The following FGF14 variants were observed in gnomAD, a reference collection of about 807,000 sequenced individuals.
FGF14 encodes fibroblast growth factor 14, also known as fibroblast growth factor homologous factor 4.
FGF14 carries 5 observed loss-of-function variants against 25.5 expected under a neutral mutation model. The ratio of observed to expected loss-of-function variants is 0.20; its 90% CI spans 0.10 to 0.41. FGF14 has a LOEUF of 0.41. Ranked by LOEUF, FGF14 falls within the 10% of genes least tolerant of loss-of-function variation. The pLI is 1.00. For missense variants in FGF14, 222 were observed against 320.1 expected, an observed-to-expected ratio of 0.69 and a Z score of 2.34; for synonymous variants, 138 against 118.3, an observed-to-expected ratio of 1.17 and a Z score of -1.08.
At chr13:101,750,232 G>A (rs2037182777) in intron 3 of FGF14, among the ~76,000 whole-genome samples, 1 of 152,076 alleles carries the variant, frequency 6.6e-6, no homozygotes, top group South Asian at 2.1e-4. Context: ...GCACAAATAA[G>A]ATACAGCAAT....
At chr13:101,941,732 G>A (rs887477659) in intron 1 of FGF14, among the ~76,000 whole-genome samples, 7 of 152,168 alleles carry the variant, frequency 4.6e-5, no homozygotes, top group Non-Finnish European at 1.0e-4. Flanking sequence ...AAATTGAAAT[G>A]TCCTTAAGTA....
At chr13:102,208,339 G>A (rs1050361571) in intron 1 of FGF14, among the ~76,000 whole-genome samples, 1 of 152,192 alleles carries the variant, frequency 6.6e-6, no homozygotes, top group African/African-American at 2.4e-5. Flanking sequence ...TGTTGGTTGT[G>A]TTGCTATTTT....
chr13:102,399,926 A>C (rs2139288215), intron 1 of FGF14, among the ~76,000 whole-genome samples: 1 of 152,244 alleles, frequency 6.6e-6, no homozygotes, highest in South Asian at 2.1e-4. Context: ...AGCTGGGGGC[A>C]ATCTTCTCCG....
intron 1 of FGF14, among the ~76,000 whole-genome samples, chr13:102,079,179 C>T (rs1040787026): frequency 2.0e-5 from 3 of 152,126 alleles, no homozygotes; most frequent in Admixed American, 6.5e-5. Flanking sequence ...CAGAGACACA[C>T]AGGATCTCTG....
intron 1 of FGF14, among the ~76,000 whole-genome samples, chr13:102,220,834 C>T (rs2050579453): frequency 6.6e-6 from 1 of 152,196 alleles, no homozygotes; most frequent in African/African-American, 2.4e-5. Context: ...CTGGCTCTTA[C>T]TCATGCTCAT....
intron 1 of FGF14, among the ~76,000 whole-genome samples, chr13:102,304,034 T>G (rs1052793092): frequency 1.3e-5 from 2 of 152,192 alleles, no homozygotes; most frequent in Non-Finnish European, 2.9e-5. Context: ...GGTTGGTGTT[T>G]ATTGATGCAA....
intron 1 of FGF14, among the ~76,000 whole-genome samples, chr13:102,151,827 T>A (rs1049603330): frequency 2.0e-5 from 3 of 152,186 alleles, no homozygotes; most frequent in Non-Finnish European, 4.4e-5. Flanking sequence ...AAACAGTCCA[T>A]GTAAAATAAT....
rs113513952 is a variant in FGF14 at position 102,336,958 on chromosome 13, T to C, written c.208+64513A>G. 4.7e-3 allele frequency among the ~76,000 whole-genome samples: 710 copies of C among 152,310 alleles called. 4 individuals carry two copies. The highest frequency in any genetic ancestry group is 0.016 in the African/African-American group (668 of 41,568). On this transcript the variant is annotated intron_variant, in intron 1 of 4. Transcript: ENST00000376131. ...CTTCCTTTCAAAATACTACTGCTCA[T>C]TGACAATGCACCTAGTCACTCAAAA...
chr13:101,782,802 G>C (rs1351564378), intron 3 of FGF14, among the ~76,000 whole-genome samples: 3 of 152,110 alleles, frequency 2.0e-5, no homozygotes, highest in Admixed American at 6.6e-5. Context: ...TGGGCATTTA[G>C]GTTGATTCCA....
intron 1 of FGF14, among the ~76,000 whole-genome samples, chr13:101,981,086 C>A (rs1173117471): frequency 1.9e-5 from 2 of 103,806 alleles, no homozygotes; most frequent in African/African-American, 9.2e-5. Flanking sequence ...TACTAAAACA[C>A]ACACACACAC....
At chr13:102,025,065 C>T (rs1354032624) in intron 1 of FGF14, among the ~76,000 whole-genome samples, 1 of 151,050 alleles carries the variant, frequency 6.6e-6, no homozygotes, top group Non-Finnish European at 1.5e-5. Flanking sequence ...TACTCTTATG[C>T]CATGTATACT....
At chr13:102,269,587 A>G (rs2053149462) in intron 1 of FGF14, among the ~76,000 whole-genome samples, 1 of 152,044 alleles carries the variant, frequency 6.6e-6, no homozygotes, top group Non-Finnish European at 1.5e-5. Flanking sequence ...TGGAGTCTCA[A>G]TATGTTGCTC....
In FGF14 at chr13:101,722,680, T is replaced by C; in HGVS notation, c.*151A>G. The stretch of plus-strand genomic sequence containing the variant: ...GGGGGGTGCAACAGGTTGAGATTTA[T>C]CCACTTGCAACAGAGAAGTTCGGAG... On this transcript the variant is annotated 3_prime_UTR_variant, in exon 5 of 5. Coordinates refer to ENST00000376143, the MANE Select transcript of FGF14 (RefSeq NM_004115.4). 2 of 1,023,022 alleles carry C rather than the reference T, an allele frequency of 2.0e-6. No individual in the cohort carries two copies. The highest frequency in any genetic ancestry group is 1.6e-5 in the African/African-American group (1 of 63,126). The allele number at this position is 1,023,022 out of a possible 1,614,324, so 63.4% of individuals were successfully genotyped here.
chr13:101,981,082 AACACACACACAC>A (rs58666555), intron 1 of FGF14, among the ~76,000 whole-genome samples: 1,893 of 123,776 alleles, frequency 0.015, 31 homozygotes, highest in Middle Eastern at 0.037. Context: ...TCTCTACTAA[AACACACACACAC>A]ACACACACAC....
chr13:101,850,125 C>A (rs2043674648), intron 3 of FGF14, among the ~76,000 whole-genome samples: 1 of 151,206 alleles, frequency 6.6e-6, no homozygotes, highest in African/African-American at 2.4e-5. Flanking sequence ...AATTCTAACT[C>A]AAGTGGATAT....
chr13:102,048,027 A>G (rs2140037503), intron 1 of FGF14, among the ~76,000 whole-genome samples: 1 of 152,130 alleles, frequency 6.6e-6, no homozygotes, highest in Admixed American at 6.5e-5. Flanking sequence ...TTAAAAAAAA[A>G]AAAAGCAGCA....
chr13:102,279,502 T>G (rs913796539), intron 1 of FGF14, among the ~76,000 whole-genome samples: 4 of 152,218 alleles, frequency 2.6e-5, no homozygotes, highest in Non-Finnish European at 4.4e-5. Flanking sequence ...TATGTGATTG[T>G]TTTTAATATA....
At chr13:101,927,835 G>C (rs1490535504) in intron 1 of FGF14, among the ~76,000 whole-genome samples, 1 of 152,146 alleles carries the variant, frequency 6.6e-6, no homozygotes. Context: ...AGAGCCTGGA[G>C]CAGTGCCTGA....
intron 1 of FGF14, among the ~76,000 whole-genome samples, chr13:101,924,627 C>T (rs1257822044): frequency 1.3e-5 from 2 of 152,110 alleles, no homozygotes; most frequent in Non-Finnish European, 2.9e-5. Flanking sequence ...GGAACAAGAG[C>T]ATGTCTGTTT....
Sources: allele counts gnomAD v4.1 joint callset (sites outside exome capture counted in the v4.1 genomes callset), GRCh38; gene constraint gnomAD v4.1.1; transcripts MANE v1.5; gene names NCBI Gene and HGNC (gene_info 2026-07-23, HGNC 2026-07-21).